BCO1: variants seen among roughly 807,000 people sequenced by gnomAD.
The protein encoded by BCO1 is beta-carotene oxygenase 1, also known as beta,beta-carotene 15,15'-dioxygenase.
A neutral mutation model predicts 56.3 loss-of-function variants in BCO1; 54 were observed. That is an observed-to-expected ratio of 0.96 (90% CI 0.77 to 1.20). The LOEUF is 1.20. Ranked by LOEUF, BCO1 falls within the 50% of genes most tolerant of loss-of-function variation. The pLI is 0.00. For synonymous variants in BCO1, 318 were observed against 266.1 expected (o/e 1.20, Z -1.90); for missense variants, 801 against 690.9 (o/e 1.16, Z -1.79).
intron 1 of BCO1, among the ~76,000 whole-genome samples, chr16:81,245,249 T>A (rs1243305183): frequency 6.6e-6 from 1 of 152,174 alleles, no homozygotes; most frequent in Admixed American, 6.5e-5. Context: ...CTCTTAATGG[T>A]CAGTAGGCAG....
At chr16:81,259,577 C>T (rs1417145931) in intron 2 of BCO1, 99 bp from the exon 3 acceptor site, 3 of 1,484,898 alleles carry the variant, frequency 2.0e-6, no homozygotes, top group East Asian at 4.6e-5. Flanking sequence ...AGTGAAATAA[C>T]CACCTTCTTC....
At chr16:81,249,165 A>T (rs923349443) in intron 2 of BCO1, among the ~76,000 whole-genome samples, 1 of 145,300 alleles carries the variant, frequency 6.9e-6, no homozygotes, top group East Asian at 2.0e-4. Flanking sequence ...ATCTCGGCTC[A>T]CTGCAACCTT....
chr16:81,253,834 G>A (rs529562531), intron 2 of BCO1, among the ~76,000 whole-genome samples: 5 of 152,224 alleles, frequency 3.3e-5, no homozygotes, highest in Admixed American at 2.0e-4. Context: ...ATGGTAGCAC[G>A]CACCTATAGT....
chr16:81,271,338 C>A (rs1159458025), intron 7 of BCO1, among the ~76,000 whole-genome samples: 2 of 151,678 alleles, frequency 1.3e-5, no homozygotes, highest in Non-Finnish European at 2.9e-5. Context: ...TGTTCTCGAA[C>A]TCCTGACCTC....
chr16:81,259,819 T>A lies in BCO1; in HGVS notation c.323+14T>A. On this transcript the variant is annotated intron_variant, in intron 3 of 10. Coordinates refer to ENST00000258168, the MANE Select transcript of BCO1 (RefSeq NM_017429.3). ...CATATTTTCCAAGTAACTGCCTATT[T>A]TAAATCTGAGCAAATTTCATGCTTT... 1.2e-6 allele frequency: 2 copies of A among 1,614,174 alleles called. No homozygotes were observed. The highest frequency in any genetic ancestry group is 1.7e-6 in the Non-Finnish European group (2 of 1,179,994).
chr16:81,285,638 C>T lies in BCO1; in HGVS notation c.1302+4C>T, dbSNP rs761019097. 3 of 1,583,948 alleles carry T rather than the reference C, an allele frequency of 1.9e-6. No individual in the cohort carries two copies. Among genetic ancestry groups the T allele is most frequent in the Non-Finnish European group, 2.6e-6 (3 of 1,152,512 alleles). On this transcript the variant is annotated splice_donor_region_variant and intron_variant, in intron 9 of 10. Coordinates refer to ENST00000258168, the MANE Select transcript of BCO1 (RefSeq NM_017429.3). ...GTGGAGTCCAATCCCAACCAAGGTA[C>T]TGGTCTCTGTGTATTCACAAGCCTT...
At chr16:81,281,685 G>T (rs1356483606) in intron 8 of BCO1, among the ~76,000 whole-genome samples, 1 of 152,200 alleles carries the variant, frequency 6.6e-6, no homozygotes, top group Non-Finnish European at 1.5e-5. Flanking sequence ...TAGAACAGGA[G>T]TCACACCCGT....
intron 10 of BCO1, among the ~76,000 whole-genome samples, chr16:81,289,041 A>C (rs1567468440): frequency 6.6e-6 from 1 of 152,178 alleles, no homozygotes; most frequent in African/African-American, 2.4e-5. Context: ...GTGAGGAGGG[A>C]GTATCGTTGT....
chr16:81,287,330 A>C lies in BCO1; in HGVS notation c.1338A>C (p.Leu446Phe). 6.2e-7 allele frequency: 1 copy of C among 1,614,014 alleles called. No homozygotes were observed. Among genetic ancestry groups the C allele is most frequent in the Non-Finnish European group, 8.5e-7 (1 of 1,179,884 alleles). ...IKYDILTKSS[L>F]KWREDDCWPA... ...ATGACATTCTCACAAAGTCATCCTT[A>C]AAATGGAGAGAGGACGACTGCTGGC... is the stretch of plus-strand genomic sequence containing the variant. Residue 446 changes from leucine to phenylalanine, a missense_variant, in exon 10 of 11, where the codon TTA becomes TTC. Physicochemically the swap from Leu to Phe is conservative, Grantham distance 22. Transcript: ENST00000258168.
At chr16:81,262,012 G>A in intron 3 of BCO1, 124 bp from the exon 4 acceptor site, 1 of 1,196,222 alleles carries the variant, frequency 8.4e-7, no homozygotes, top group Non-Finnish European at 1.2e-6. Context: ...ACAGTGCTGG[G>A]ATTACAGGCA....
intron 7 of BCO1, among the ~76,000 whole-genome samples, chr16:81,271,990 GC>G (rs1359580786): frequency 3.3e-5 from 5 of 152,022 alleles, no homozygotes; most frequent in African/African-American, 9.7e-5. Context: ...CAGGCAATCT[GC>G]CCCCCTACGT....
At chr16:81,279,470 GTAATAA>G (rs1406524934) in intron 7 of BCO1, among the ~76,000 whole-genome samples, 3 of 152,128 alleles carry the variant, frequency 2.0e-5, no homozygotes, top group Non-Finnish European at 4.4e-5. Context: ...GGTAATAATA[GTAATAA>G]TAATATAACA....
At chr16:81,285,681 C>A in intron 9 of BCO1, 47 bp downstream of exon 9, 2 of 1,360,490 alleles carry the variant, frequency 1.5e-6, no homozygotes, top group Non-Finnish European at 2.1e-6. Context: ...GTGATTGTGT[C>A]TATATGCAAA....
chr16:81,250,825 C>G (rs149148322), intron 2 of BCO1, among the ~76,000 whole-genome samples: 141 of 152,260 alleles, frequency 9.3e-4, no homozygotes, highest in African/African-American at 3.3e-3. Context: ...AGGTGATCCA[C>G]TTGCCTGGGC....
chr16:81,258,683 T>C (rs1021525629), intron 2 of BCO1, among the ~76,000 whole-genome samples: 1 of 152,188 alleles, frequency 6.6e-6, no homozygotes, highest in Non-Finnish European at 1.5e-5. Context: ...TGAGCCTGAG[T>C]TCCTTCCTAT....
chr16:81,260,475 G>A lies in BCO1; in HGVS notation c.323+670G>A, dbSNP rs1018459669. On this transcript the variant is annotated intron_variant, in intron 3 of 10. Transcript: ENST00000258168. ...TGAGGAGAGGGAGAGATTTTTTGCTGTATATATTTTATTTCATTTCATTTC... is the reference window on the plus strand; with the variant it reads ...TGAGGAGAGGGAGAGATTTTTTGCTATATATATTTTATTTCATTTCATTTC... Among the ~76,000 whole-genome samples, 5 of 152,104 alleles carry A rather than the reference G, an allele frequency of 3.3e-5. No individual in the cohort carries two copies. The East Asian group carries it at 9.6e-4, about 29-fold the overall frequency.
At chr16:81,267,555 G>C (rs1361486351) in intron 5 of BCO1, among the ~76,000 whole-genome samples, 1 of 152,220 alleles carries the variant, frequency 6.6e-6, no homozygotes, top group Non-Finnish European at 1.5e-5. Context: ...GGAGATTGAA[G>C]TGGGCTGAGA....
intron 7 of BCO1, 81 bp from the exon 8 acceptor site, chr16:81,280,776 T>A (rs7188650): frequency 4.7e-6 from 5 of 1,054,658 alleles, no homozygotes; most frequent in East Asian, 2.5e-5. Context: ...TCAAGCATTT[T>A]AAAAAATATA....
intron 2 of BCO1, among the ~76,000 whole-genome samples, chr16:81,247,451 C>G (rs1905492358): frequency 6.6e-6 from 1 of 152,074 alleles, no homozygotes; most frequent in Admixed American, 6.6e-5. Flanking sequence ...TTGCTTGATC[C>G]CAGGAGTTCC....
Sources: allele counts gnomAD v4.1 joint callset (sites outside exome capture counted in the v4.1 genomes callset), GRCh38; gene constraint gnomAD v4.1.1; transcripts MANE v1.5; gene names NCBI Gene and HGNC (gene_info 2026-07-23, HGNC 2026-07-21).